AVEN: variants seen among roughly 807,000 people sequenced by gnomAD.
AVEN encodes the protein apoptosis and caspase activation inhibitor.
Under a neutral mutation model 38.1 loss-of-function variants are expected in AVEN, and 41 were observed. The observed-to-expected ratio is 1.08, with a 90% confidence interval of 0.84 to 1.40. The LOEUF (loss-of-function observed/expected upper bound fraction) is 1.40, where lower values mean the gene tolerates loss of function less well. Among genes scored for constraint, AVEN ranks in the 40% most tolerant of loss-of-function variants. The pLI is 0.00. For missense variants in AVEN, 605 were observed against 438.8 expected (o/e 1.38, Z -3.38); for synonymous variants, 206 against 171.8 (o/e 1.20, Z -1.56).
downstream of AVEN, chr15:33,856,564 C>T (rs2079682909): frequency 6.6e-6 from 1 of 152,242 alleles, no homozygotes; most frequent in African/African-American, 2.4e-5. Context: ...AGAGTAACTT[C>T]AAAGTTGTGA....
intron 2 of AVEN, among the ~76,000 whole-genome samples, chr15:33,876,564 C>A (rs1417410610): frequency 1.3e-5 from 2 of 151,186 alleles, no homozygotes; most frequent in Admixed American, 6.6e-5. Flanking sequence ...AGAGTGAGAC[C>A]CTATCTCAAA....
chr15:33,887,579 T>C (rs1044000212), intron 2 of AVEN, among the ~76,000 whole-genome samples: 2 of 152,308 alleles, frequency 1.3e-5, no homozygotes, highest in Admixed American at 1.3e-4. Flanking sequence ...CAAACACTAT[T>C]GTATGTTAAT....
At chr15:34,040,898 TAAA>T (rs60454298), upstream of AVEN, among the ~76,000 whole-genome samples, 1 of 145,066 alleles carries the variant, frequency 6.9e-6, no homozygotes, top group Non-Finnish European at 1.5e-5. Flanking sequence ...GGAGACTGTC[TAAA>T]AAAAAAAAAA....
intron 2 of AVEN, among the ~76,000 whole-genome samples, chr15:33,938,101 T>C (rs941820683): frequency 6.6e-6 from 1 of 151,994 alleles, no homozygotes; most frequent in African/African-American, 2.4e-5. Flanking sequence ...GAAAGAAAGA[T>C]TTCTTGGAGC....
chr15:33,925,679 A>T (rs530905318), intron 2 of AVEN, among the ~76,000 whole-genome samples: 2 of 152,334 alleles, frequency 1.3e-5, no homozygotes, highest in East Asian at 3.9e-4. Context: ...GGTGCATTAT[A>T]AAGAATTTTA....
At chr15:34,000,679 C>T (rs1300173376) in intron 2 of AVEN, among the ~76,000 whole-genome samples, 1 of 152,122 alleles carries the variant, frequency 6.6e-6, no homozygotes, top group Non-Finnish European at 1.5e-5. Flanking sequence ...TGAAGTTGAC[C>T]TCTCGAAAGT....
At chr15:34,025,758 GTGTGTGTGTGTGTT>G (rs1013064222) in intron 1 of AVEN, among the ~76,000 whole-genome samples, 1 of 150,208 alleles carries the variant, frequency 6.7e-6, no homozygotes, top group African/African-American at 2.4e-5. Context: ...TTGGTTTTGC[GTGTGTGTGTGTGTT>G]TGTGTGTGTG....
intron 2 of AVEN, among the ~76,000 whole-genome samples, chr15:33,956,186 T>G (rs1004279226): frequency 1.3e-5 from 2 of 152,180 alleles, no homozygotes; most frequent in Non-Finnish European, 2.9e-5. Context: ...GCGCCAGCTG[T>G]CGCTCCTTGC....
At chr15:34,059,958 A>G (rs1000431303) in intron 5 of AVEN, among the ~76,000 whole-genome samples, 3 of 152,146 alleles carry the variant, frequency 2.0e-5, no homozygotes, top group African/African-American at 7.2e-5. Context: ...CATAATAAAC[A>G]TTCAAATATT....
At chr15:33,937,276 T>C (rs2153052614) in intron 2 of AVEN, among the ~76,000 whole-genome samples, 1 of 152,074 alleles carries the variant, frequency 6.6e-6, no homozygotes, top group South Asian at 2.1e-4. Flanking sequence ...GGCTCACGCC[T>C]GTAATCCCAG....
intron 5 of AVEN, among the ~76,000 whole-genome samples, chr15:34,045,336 C>G (rs964979959): frequency 3.3e-5 from 5 of 152,124 alleles, no homozygotes; most frequent in African/African-American, 1.2e-4. Context: ...TTCTTAATCA[C>G]CACCTTATCT....
At chr15:33,963,131 C>T (rs1477629532) in intron 2 of AVEN, among the ~76,000 whole-genome samples, 6 of 152,132 alleles carry the variant, frequency 3.9e-5, no homozygotes, top group Admixed American at 2.6e-4. Context: ...ATTATCTCTA[C>T]AGTCCCTTCC....
intron 2 of AVEN, among the ~76,000 whole-genome samples, chr15:33,925,571 T>C (rs1893578232): frequency 6.6e-6 from 1 of 152,208 alleles, no homozygotes; most frequent in African/African-American, 2.4e-5. Context: ...GGTGTGCCGG[T>C]TAATGGCTGT....
intron 2 of AVEN, among the ~76,000 whole-genome samples, chr15:33,891,851 G>C (rs143617311): frequency 1.6e-3 from 242 of 152,324 alleles, no homozygotes; most frequent in African/African-American, 5.6e-3. Context: ...CACCAACAAA[G>C]TAAAAGCATT....
At chr15:33,910,160 T>C (rs113242888) in intron 2 of AVEN, among the ~76,000 whole-genome samples, 6 of 150,694 alleles carry the variant, frequency 4.0e-5, no homozygotes, top group Admixed American at 4.0e-4. Flanking sequence ...AATTGCTTAG[T>C]AAGCAAGGTA....
chr15:33,874,337 C>T (rs966820314), intron 3 of AVEN, among the ~76,000 whole-genome samples: 1 of 152,154 alleles, frequency 6.6e-6, no homozygotes, highest in African/African-American at 2.4e-5. Context: ...CTGGTACTAA[C>T]TAGCCCACAC....
intron 2 of AVEN, among the ~76,000 whole-genome samples, chr15:33,922,581 T>C (rs1332314769): frequency 2.0e-5 from 3 of 152,044 alleles, no homozygotes; most frequent in Non-Finnish European, 2.9e-5. Context: ...ACTACTGGCA[T>C]GTACCACCAC....
At chr15:33,897,399 G>A (rs1892276846) in intron 2 of AVEN, among the ~76,000 whole-genome samples, 1 of 152,018 alleles carries the variant, frequency 6.6e-6, no homozygotes, top group Non-Finnish European at 1.5e-5. Context: ...CCAGGTGCAA[G>A]CAATTCTCCT....
At chr15:34,067,794 T>G (rs533918097) in intron 2 of AVEN, among the ~76,000 whole-genome samples, 1 of 152,246 alleles carries the variant, frequency 6.6e-6, no homozygotes, top group African/African-American at 2.4e-5. Flanking sequence ...AGCATTTCCT[T>G]GTCAACTATT....
Sources: gnomAD v4.1 joint callset for allele counts (sites outside exome capture counted in the v4.1 genomes callset) on GRCh38, gnomAD v4.1.1 for gene constraint, MANE v1.5 for transcripts, NCBI Gene and HGNC (gene_info 2026-07-23, HGNC 2026-07-21) for gene names.